The following MALRD1 variants were observed in gnomAD, a reference collection of about 807,000 sequenced individuals.
MALRD1 encodes the protein MAM and LDL-receptor class A domain-containing protein 1.
Under a neutral mutation model 242.1 loss-of-function variants are expected in MALRD1, and 247 were observed. That is an observed-to-expected ratio of 1.02 (90% CI 0.92 to 1.13). The LOEUF is 1.13. Among genes scored for constraint, MALRD1 ranks in the 50% most tolerant of loss-of-function variants. The probability of loss-of-function intolerance (pLI) is 0.00; values close to 1 mark genes in which losing one functional copy is unlikely to be tolerated. For missense variants in MALRD1, 2,989 were observed against 2,533.1 expected (o/e 1.18, Z -3.86); for synonymous variants, 995 against 866.6 (o/e 1.15, Z -2.60).
intron 18 of MALRD1, among the ~76,000 whole-genome samples, chr10:19,227,705 C>G (rs1332524247): frequency 6.6e-6 from 1 of 151,844 alleles, no homozygotes; most frequent in Non-Finnish European, 1.5e-5. Context: ...TTAAATATGT[C>G]TGATAAAGAA....
chr10:19,635,928 C>T lies in MALRD1; in HGVS notation c.6137+20005C>T, dbSNP rs114000436. On this transcript the variant is annotated intron_variant, in intron 36 of 39. Transcript: ENST00000454679. ...GTTAATTTTTTTTTTTGAAACGCAGCGTCACTCTGTCACCCAGGCTGGAGT... is the reference window on the plus strand; with the variant it reads ...GTTAATTTTTTTTTTTGAAACGCAGTGTCACTCTGTCACCCAGGCTGGAGT... Among the ~76,000 whole-genome samples, 1,399 of 151,386 alleles carry T rather than the reference C, an allele frequency of 9.2e-3. 19 individuals carry two copies. Among genetic ancestry groups the T allele is most frequent in the African/African-American group, 0.032 (1,313 of 41,238 alleles).
intron 33 of MALRD1, among the ~76,000 whole-genome samples, chr10:19,589,923 G>A (rs150927327): frequency 4.7e-4 from 72 of 152,110 alleles, no homozygotes; most frequent in African/African-American, 1.7e-3. Context: ...TAATTGTCTC[G>A]CATAATGAAC....
At chr10:19,504,771 T>C (rs947474566) in intron 31 of MALRD1, among the ~76,000 whole-genome samples, 3 of 142,952 alleles carry the variant, frequency 2.1e-5, no homozygotes, top group Non-Finnish European at 4.5e-5. Context: ...CAAGCTCCGC[T>C]TCCCGGGTTC....
chr10:19,547,819 T>TA lies in MALRD1; in HGVS notation c.5478+16468_5478+16469insA, dbSNP rs1491504993. Among the ~76,000 whole-genome samples, 121 of 12,290 alleles carry TA rather than the reference T, an allele frequency of 9.8e-3. 1 individual carries two copies. Among genetic ancestry groups the TA allele is most frequent in the South Asian group, 0.013 (2 of 152 alleles). 8.1% of individuals were successfully genotyped at this position (12,290 alleles called of 152,430 possible). On this transcript the variant is annotated intron_variant, in intron 32 of 39. Coordinates refer to ENST00000454679, the MANE Select transcript of MALRD1 (RefSeq NM_001142308.3). ...ATATATATATATATATATATATATA[T>TA]TTTTTTTTTTTTTTTTTTTTTTTTT... is the stretch of plus-strand genomic sequence containing the variant.
intron 24 of MALRD1, among the ~76,000 whole-genome samples, chr10:19,335,913 T>C (rs1199488366): frequency 1.3e-5 from 2 of 152,040 alleles, no homozygotes; most frequent in African/African-American, 4.8e-5. Context: ...CATCAACCCG[T>C]CATCTACATT....
chr10:19,693,826 T>A (rs1833225400), intron 38 of MALRD1, among the ~76,000 whole-genome samples: 1 of 152,118 alleles, frequency 6.6e-6, no homozygotes, highest in South Asian at 2.1e-4. Context: ...CTTCAAACTA[T>A]ATTACAAGGC....
intron 18 of MALRD1, among the ~76,000 whole-genome samples, chr10:19,234,233 T>C (rs1838202634): frequency 6.6e-6 from 1 of 151,982 alleles, no homozygotes; most frequent in Non-Finnish European, 1.5e-5. Flanking sequence ...TAAATCCTAT[T>C]TTAAAAATTA....
At chr10:19,444,971 A>G (rs1045516780) in intron 28 of MALRD1, among the ~76,000 whole-genome samples, 2 of 152,186 alleles carry the variant, frequency 1.3e-5, no homozygotes, top group Non-Finnish European at 2.9e-5. Flanking sequence ...GTCTTTTCAC[A>G]TAGTCCCATA....
chr10:19,175,266 G>C lies in MALRD1; in HGVS notation c.1889G>C (p.Ser630Thr), dbSNP rs973491836. 2.4e-6 allele frequency: 3 copies of C among 1,230,498 alleles called. No individual in the cohort carries two copies. In the African/African-American group the frequency reaches 4.7e-5, roughly 19 times the overall value. 76.2% of individuals were successfully genotyped at this position (1,230,498 alleles called of 1,614,324 possible). ...SNATVALDDISVSQECEISYK... is the reference protein window; with the variant it reads ...SNATVALDDITVSQECEISYK... ...GCTACCGTTGCTCTAGATGACATCA[G>C]TGTGTCCCAGGAATGTGAAATTTCC... Residue 630 changes from serine to threonine, a missense_variant, in exon 14 of 40, where the codon AGT becomes ACT. Ser to Thr is a moderately conservative substitution (Grantham distance 58, BLOSUM62 1). Transcript: ENST00000454679.
intron 7 of MALRD1, among the ~76,000 whole-genome samples, chr10:19,125,459 CTGT>C (rs1316238357): frequency 6.8e-6 from 1 of 147,212 alleles, no homozygotes; most frequent in East Asian, 2.0e-4. Flanking sequence ...CAACACTGCT[CTGT>C]TGTCAATGAG....
chr10:19,715,234 CAA>C (rs1224600988), intron 38 of MALRD1, among the ~76,000 whole-genome samples: 1 of 151,862 alleles, frequency 6.6e-6, no homozygotes, highest in Non-Finnish European at 1.5e-5. Context: ...TTGAAGACCC[CAA>C]AGACTTTTCT....
At chr10:19,146,053 G>A (rs926934089) in intron 10 of MALRD1, 145 bp from the exon 11 acceptor site, 2 of 536,758 alleles carry the variant, frequency 3.7e-6, no homozygotes, top group Admixed American at 4.4e-5. Flanking sequence ...ACTAGATAAA[G>A]GAAAGCTATT....
At chr10:19,557,295 G>C (rs1264677628) in intron 32 of MALRD1, among the ~76,000 whole-genome samples, 1 of 151,890 alleles carries the variant, frequency 6.6e-6, no homozygotes, top group African/African-American at 2.4e-5. Flanking sequence ...ATTTAACAAA[G>C]TCCAACTTAC....
Position 19,376,612 on chromosome 10 carries a change from G to T in MALRD1, c.4442-10916G>T, listed in dbSNP as rs567878195. On this transcript the variant is annotated intron_variant, in intron 26 of 39. Coordinates refer to ENST00000454679, the MANE Select transcript of MALRD1 (RefSeq NM_001142308.3). The stretch of plus-strand genomic sequence containing the variant: ...CTCCTATTGCCCAGGCTGGAGTGCA[G>T]TGGCATGATCTTGGCTCACTGCAAC... Among the ~76,000 whole-genome samples the T allele has an allele frequency of 2.9e-5, 4 of 138,274 alleles. No individual in the cohort carries two copies. The South Asian group carries it at 6.9e-4, about 24-fold the overall frequency. 90.7% of individuals were successfully genotyped at this position (138,274 alleles called of 152,430 possible).
At chr10:19,387,919 C>T (rs1589004779) in intron 27 of MALRD1, 146 bp downstream of exon 27, 4 of 1,024,352 alleles carry the variant, frequency 3.9e-6, no homozygotes, top group Non-Finnish European at 4.2e-6. Flanking sequence ...TGTTTTTTTT[C>T]TTAGGGCTGC....
At chr10:19,138,604 A>C (rs1447280584) in intron 10 of MALRD1, among the ~76,000 whole-genome samples, 2 of 151,730 alleles carry the variant, frequency 1.3e-5, no homozygotes, top group African/African-American at 4.8e-5. Context: ...TATTTTTAGT[A>C]GTGACAGGTT....
intron 36 of MALRD1, among the ~76,000 whole-genome samples, chr10:19,623,969 A>G (rs1839525613): frequency 6.6e-6 from 1 of 152,184 alleles, no homozygotes; most frequent in Non-Finnish European, 1.5e-5. Context: ...AAAAAAGCAA[A>G]TTAAAACAAT....
intron 18 of MALRD1, among the ~76,000 whole-genome samples, chr10:19,234,103 T>C (rs915269584): frequency 1.3e-5 from 2 of 152,072 alleles, no homozygotes. Flanking sequence ...ACCTGGATTC[T>C]AAAATTTAAA....
rs1412034665 is a variant in MALRD1, at chr10:19,655,528, GTGTATA to G, written c.6138-36752_6138-36747del. 2.2e-3 allele frequency among the ~76,000 whole-genome samples: 227 copies of G among 102,932 alleles called. 1 individual carries two copies. Among genetic ancestry groups the G allele is most frequent in the African/African-American group, 7.9e-3 (220 of 27,794 alleles). The allele number at this position is 102,932 out of a possible 152,430, so 67.5% of individuals were successfully genotyped here. A position where few individuals can be genotyped will look rare whatever the true frequency, so the allele number is the denominator to read the frequency against. ...TGTGTGTGTACATATATATGTGTGA[GTGTATA>G]TATATATATATATATATATATATAT... On this transcript the variant is annotated intron_variant, in intron 36 of 39. Coordinates refer to ENST00000454679, the MANE Select transcript of MALRD1 (RefSeq NM_001142308.3).
Sources: gnomAD v4.1 joint callset for allele counts (sites outside exome capture counted in the v4.1 genomes callset) on GRCh38, gnomAD v4.1.1 for gene constraint, MANE v1.5 for transcripts, NCBI Gene and HGNC (gene_info 2026-07-23, HGNC 2026-07-21) for gene names.